The following USP1 variants were observed in gnomAD, a reference collection of about 807,000 sequenced individuals.
The protein encoded by USP1 is ubiquitin specific peptidase 1.
In USP1, 18 loss-of-function variants were observed where a neutral mutation model predicts 72.2. The observed-to-expected ratio is 0.25, with a 90% CI of 0.17 to 0.37. The LOEUF (loss-of-function observed/expected upper bound fraction) is 0.37. USP1 is among the 10% of genes least tolerant of loss of function. The pLI, the probability that USP1 is intolerant of heterozygous loss-of-function variation, is 1.00. For synonymous variants in USP1, 354 were observed against 303.7 expected, an observed-to-expected ratio of 1.17 and a Z score of -1.72; for missense variants, 759 against 884.9, an observed-to-expected ratio of 0.86 and a Z score of 1.81.
chr1:62,441,079 C>A (rs562365551), intron 2 of USP1, among the ~76,000 whole-genome samples: 2 of 150,714 alleles, frequency 1.3e-5, no homozygotes, highest in East Asian at 3.9e-4. Context: ...CCTCTGAATT[C>A]TTATTAATAG....
At chr1:62,438,060 C>T (rs1404461144) in intron 1 of USP1, among the ~76,000 whole-genome samples, 1 of 151,074 alleles carries the variant, frequency 6.6e-6, no homozygotes, top group Non-Finnish European at 1.5e-5. Context: ...CAAGGAAAGC[C>T]AGGAGCAAGA....
At chr1:62,447,225 TC>T in intron 6 of USP1, 115 bp from the exon 7 acceptor site, 1 of 1,007,756 alleles carries the variant, frequency 9.9e-7, no homozygotes, top group Non-Finnish European at 1.4e-6. Context: ...AATAAGCTGA[TC>T]TATGAAAATG....
At position 62,450,821 on chromosome 1, in the gene USP1, T is replaced by C. The variant is rs1205482209; in HGVS notation, c.2198T>C (p.Ile733Thr). 24 of 1,613,854 alleles carry C rather than the reference T, an allele frequency of 1.5e-5. No homozygotes were observed. Among genetic ancestry groups the C allele is most frequent in the Non-Finnish European group, 2.0e-5 (24 of 1,179,972 alleles). The change falls in exon 9 of 9, where the codon ATT becomes ACT. Residue 733 changes from isoleucine to threonine, a missense_variant. By Grantham distance (89) the Ile-to-Thr change is moderately conservative. Around this residue, in one of 9 missense-constraint regions of USP1, gnomAD observed 159 missense variants for 140.9 expected, o/e 1.13. Coordinates refer to ENST00000339950, the MANE Select transcript of USP1 (RefSeq NM_003368.5). The stretch of plus-strand genomic sequence containing the variant: ...AATATTAGTGGATTTGAGAACAAAA[T>C]TTCATACGTAGTGCAAAGCTTAAAG... ...GINISGFENK[I>T]SYVVQSLKEY...
At chr1:62,438,044 C>G (rs556677948) in intron 1 of USP1, among the ~76,000 whole-genome samples, 3 of 151,898 alleles carry the variant, frequency 2.0e-5, no homozygotes, top group South Asian at 4.2e-4. Context: ...AACAGCCCCC[C>G]AGTTACAAGG....
intron 6 of USP1, 42 bp downstream of exon 6, chr1:62,445,471 A>C (rs747967920): frequency 6.9e-7 from 1 of 1,451,996 alleles, no homozygotes; most frequent in East Asian, 2.4e-5. Flanking sequence ...AAGCATTAGC[A>C]GCTACAGAAT....
intron 5 of USP1, among the ~76,000 whole-genome samples, chr1:62,443,932 T>C (rs1254080118): frequency 6.6e-6 from 1 of 152,120 alleles, no homozygotes; most frequent in Non-Finnish European, 1.5e-5. Flanking sequence ...AGTTTAAAAA[T>C]AGAACTAGGT....
rs187410026 is a variant in USP1 at position 62,451,801 on chromosome 1, C to T, written c.*820C>T. 353 of 152,234 alleles carry T rather than the reference C, an allele frequency of 2.3e-3. 3 individuals are homozygous for T. The highest frequency in any genetic ancestry group is 8.1e-3 in the African/African-American group (333 of 41,366). The allele number at this position is 152,234 out of a possible 1,614,324, so 9.4% of individuals were successfully genotyped here. On this transcript the variant is annotated 3_prime_UTR_variant, in exon 9 of 9. Transcript: ENST00000339950. ...TAAATACAGCTGAGTTTTCTTAAAG[C>T]GAATAAGTGTGTGTATATATATATG...
intron 2 of USP1, 132 bp downstream of exon 2, chr1:62,440,169 A>C: frequency 1.3e-6 from 1 of 744,270 alleles, no homozygotes; most frequent in South Asian, 5.0e-5. Context: ...TCTTAGTCAA[A>C]TCTAGCAGTT....
chr1:62,438,904 T>TG (rs1557552470), intron 1 of USP1, among the ~76,000 whole-genome samples: 4 of 152,092 alleles, frequency 2.6e-5, no homozygotes, highest in African/African-American at 9.7e-5. Context: ...ACAGTTTTTT[T>TG]TATCACGGTC....
chr1:62,448,290 T>A (rs565493429), intron 7 of USP1, among the ~76,000 whole-genome samples, 175 bp from the exon 8 acceptor site: 10 of 152,338 alleles, frequency 6.6e-5, no homozygotes, highest in African/African-American at 2.4e-4. Context: ...TTAAAAGGTA[T>A]GTATACTGTT....
chr1:62,444,275 A>G (rs1645154230), intron 5 of USP1, among the ~76,000 whole-genome samples: 2 of 145,322 alleles, frequency 1.4e-5, no homozygotes, highest in African/African-American at 5.2e-5. Context: ...AAAAAAAAAA[A>G]AAAAAGGCCA....
intron 5 of USP1, among the ~76,000 whole-genome samples, chr1:62,444,281 G>A (rs75796668): frequency 0.14 from 9,028 of 65,032 alleles, 1,145 homozygotes; most frequent in African/African-American, 0.43. Flanking sequence ...AAAAAAAAAA[G>A]GCCATTGTAG....
At chr1:62,436,762 C>T (rs530395758), upstream of USP1, 391 of 210,222 alleles carry the variant, frequency 1.9e-3, 3 homozygotes, top group East Asian at 6.5e-3. Context: ...AGCCCGCCAG[C>T]CAGGCCGCTA....
chr1:62,440,165 T>G, intron 2 of USP1, 128 bp downstream of exon 2: 2 of 782,926 alleles, frequency 2.6e-6, no homozygotes, highest in Non-Finnish European at 3.6e-6. Context: ...TACTTCTTAG[T>G]CAAATCTAGC....
chr1:62,450,194 T>C, intron 8 of USP1, 52 bp from the exon 9 acceptor site: 2 of 1,550,292 alleles, frequency 1.3e-6, no homozygotes, highest in Non-Finnish European at 1.7e-6. Context: ...GGTATAACAT[T>C]TTGAATTTAA....
intron 4 of USP1, 50 bp downstream of exon 4, chr1:62,442,349 A>G: frequency 1.5e-6 from 2 of 1,335,022 alleles, no homozygotes; most frequent in South Asian, 2.7e-5. Flanking sequence ...AAGTAAATTA[A>G]TGGAAATTTA....
Position 62,438,905 on chromosome 1 carries a change from T to A in USP1, c.-69-894T>A, listed in dbSNP as rs752144784. Among the ~76,000 whole-genome samples the A allele has an allele frequency of 2.7e-4, 41 of 152,372 alleles. 1 individual carries two copies. The highest frequency in any genetic ancestry group is 1.1e-3 in the Admixed American group (17 of 15,308). On this transcript the variant is annotated intron_variant, in intron 1 of 8. Transcript: ENST00000339950. ...ACAAAGTGCATCGAACAGTTTTTTTTATCACGGTCTCAACTTTGCTTGTGT... is the reference window on the plus strand; with the variant it reads ...ACAAAGTGCATCGAACAGTTTTTTTAATCACGGTCTCAACTTTGCTTGTGT...
rs1645209384 is a variant in USP1, at chr1:62,450,676, T to G, written c.2053T>G (p.Ser685Ala). The change falls in exon 9 of 9, where the codon TCT (serine) becomes GCT (alanine). Residue 685 changes from serine to alanine, a missense_variant. Ser to Ala is a moderately conservative substitution (Grantham distance 99). Coordinates refer to ENST00000339950, the MANE Select transcript of USP1 (RefSeq NM_003368.5). ...KADYELYNKA[S>A]NPDKVASTAF... ...AGATTATGAGCTATACAACAAAGCC[T>G]CTAATCCTGATAAGGTTGCTAGTAC... 3.7e-6 allele frequency: 6 copies of G among 1,614,034 alleles called. No individual in the cohort carries two copies. Among genetic ancestry groups the G allele is most frequent in the Non-Finnish European group, 4.2e-6 (5 of 1,180,012 alleles).
intron 5 of USP1, 42 bp from the exon 6 acceptor site, chr1:62,444,696 C>T (rs1254052499): frequency 2.1e-6 from 3 of 1,449,458 alleles, no homozygotes; most frequent in Admixed American, 2.6e-5. Context: ...TGTACTGTAT[C>T]TTCAAAACTA....
Sources: allele counts gnomAD v4.1 joint callset (sites outside exome capture counted in the v4.1 genomes callset), GRCh38; gene constraint gnomAD v4.1.1; regional missense constraint gnomAD v4.1.1; transcripts MANE v1.5; gene names NCBI Gene and HGNC (gene_info 2026-07-23, HGNC 2026-07-21).